Variants in DENND5B observed in about 807,000 individuals in gnomAD.
DENND5B encodes DENN domain containing 5B, also known as DENN domain-containing protein 5B.
In DENND5B, 34 loss-of-function variants were observed where a neutral mutation model predicts 140.6. That is an observed-to-expected ratio of 0.24 (90% CI 0.18 to 0.32). The LOEUF is 0.32. DENND5B is among the 10% of genes least tolerant of loss of function. The probability of loss-of-function intolerance (pLI) is 1.00; values close to 1 mark genes in which losing one functional copy is unlikely to be tolerated. For synonymous variants in DENND5B, 551 were observed against 562.1 expected, an observed-to-expected ratio of 0.98 and a Z score of 0.28; for missense variants, 1,142 against 1,560.2, an observed-to-expected ratio of 0.73 and a Z score of 4.52.
chr12:31,456,121 G>C (rs1944765516), intron 4 of DENND5B, among the ~76,000 whole-genome samples: 1 of 152,116 alleles, frequency 6.6e-6, no homozygotes, highest in Non-Finnish European at 1.5e-5. Context: ...CTTGAGGTCA[G>C]AAGTTCAAGA....
At chr12:31,509,698 A>G (rs1947336532) in intron 1 of DENND5B, among the ~76,000 whole-genome samples, 1 of 152,202 alleles carries the variant, frequency 6.6e-6, no homozygotes, top group African/African-American at 2.4e-5. Context: ...AAGAGGAGGG[A>G]GATAATAAGT....
intron 1 of DENND5B, among the ~76,000 whole-genome samples, chr12:31,507,317 T>C (rs1425710397): frequency 6.6e-6 from 1 of 152,088 alleles, no homozygotes; most frequent in Non-Finnish European, 1.5e-5. Context: ...TTTATTTCTA[T>C]TTTTCATGGA....
chr12:31,469,939 A>G (rs1408637251), intron 3 of DENND5B, among the ~76,000 whole-genome samples: 1 of 151,922 alleles, frequency 6.6e-6, no homozygotes, highest in African/African-American at 2.4e-5. Context: ...CAGAACTGTG[A>G]GCCAAATAAA....
At chr12:31,493,066 C>T (rs1312607354) in intron 2 of DENND5B, among the ~76,000 whole-genome samples, 2 of 152,216 alleles carry the variant, frequency 1.3e-5, no homozygotes, top group South Asian at 2.1e-4. Flanking sequence ...TACTGTGATA[C>T]AAAAATATCA....
At position 31,591,101 on chromosome 12, in the gene DENND5B, C is replaced by T. The variant is rs1950605269; in HGVS notation, c.-269G>A. On this transcript the variant is annotated 5_prime_UTR_variant, in exon 1 of 21. Transcript: ENST00000389082. ...TGTCGGCCTGAGAGGCCCTCGCAGC[C>T]GCAGCTGCGCTCGCGAGCTGAGAGC... 6.4e-6 allele frequency: 1 copy of T among 155,906 alleles called. No individual in the cohort carries two copies. Among genetic ancestry groups the T allele is most frequent in the Non-Finnish European group, 1.4e-5 (1 of 72,966 alleles). 9.7% of individuals were successfully genotyped at this position (155,906 alleles called of 1,614,324 possible).
intron 10 of DENND5B, among the ~76,000 whole-genome samples, chr12:31,424,145 T>G (rs1943139726): frequency 6.6e-6 from 1 of 151,630 alleles, no homozygotes; most frequent in Non-Finnish European, 1.5e-5. Flanking sequence ...CATGCACACA[T>G]CAGAAAAAAA....
At chr12:31,417,137 A>C (rs1208455344) in intron 11 of DENND5B, among the ~76,000 whole-genome samples, 7 of 150,644 alleles carry the variant, frequency 4.6e-5, no homozygotes, top group Non-Finnish European at 8.9e-5. Context: ...CGGGCGGATC[A>C]TGAGGTCAGG....
At chr12:31,388,226 C>CTTTTTTT (rs35891849) in intron 20 of DENND5B, among the ~76,000 whole-genome samples, 6 of 91,480 alleles carry the variant, frequency 6.6e-5, no homozygotes, top group African/African-American at 8.8e-5. Context: ...TAGGGACTTG[C>CTTTTTTT]TTTTTTTTTT....
At chr12:31,499,594 T>C (rs1370692732) in intron 1 of DENND5B, 1 of 1,482,210 alleles carries the variant, frequency 6.7e-7, no homozygotes, top group South Asian at 1.4e-5. Flanking sequence ...TTGTTCTTAA[T>C]TTTATTTTTA....
chr12:31,429,546 T>C (rs1368349827), intron 8 of DENND5B, among the ~76,000 whole-genome samples: 1 of 151,760 alleles, frequency 6.6e-6, no homozygotes, highest in Admixed American at 6.6e-5. Context: ...GTAGCTAGGA[T>C]TACAGGTGCT....
At chr12:31,494,131 C>CT (rs1946643759) in intron 2 of DENND5B, among the ~76,000 whole-genome samples, 1 of 149,496 alleles carries the variant, frequency 6.7e-6, no homozygotes, top group Non-Finnish European at 1.5e-5. Context: ...TTGACTATCT[C>CT]TCTATCTTCT....
At chr12:31,557,631 C>T (rs919351278) in intron 1 of DENND5B, among the ~76,000 whole-genome samples, 4 of 151,390 alleles carry the variant, frequency 2.6e-5, no homozygotes, top group South Asian at 2.1e-4. Context: ...AAAAAGTAAA[C>T]GTACAAATTC....
intron 14 of DENND5B, 45 bp from the exon 15 acceptor site, chr12:31,402,688 T>A (rs772636748): frequency 1.9e-6 from 3 of 1,570,022 alleles, no homozygotes; most frequent in Admixed American, 1.9e-5. Flanking sequence ...GGAATAAAAT[T>A]CTCCTTATAA....
chr12:31,446,130 T>C (rs148254377), intron 6 of DENND5B, among the ~76,000 whole-genome samples: 7 of 152,280 alleles, frequency 4.6e-5, no homozygotes, highest in African/African-American at 1.4e-4. Flanking sequence ...CAAGACTGGC[T>C]AAGACTCAGA....
intron 4 of DENND5B, among the ~76,000 whole-genome samples, chr12:31,459,249 A>G (rs1944911753): frequency 6.6e-6 from 1 of 152,030 alleles, no homozygotes; most frequent in Non-Finnish European, 1.5e-5. Context: ...AGGAGGTGTT[A>G]CTATTCTTAC....
chr12:31,451,626 G>A (rs560378655), intron 5 of DENND5B: 1 of 286,682 alleles, frequency 3.5e-6, no homozygotes, highest in Non-Finnish European at 6.6e-6. Context: ...CCCGGCCTGA[G>A]TTTCTATAAT....
Position 31,479,828 on chromosome 12 carries a change from G to T in DENND5B, c.665C>A (p.Pro222His). The change falls in exon 3 of 21, where the codon CCC becomes CAC. Residue 222 changes from proline (P) to histidine (H), a missense_variant. Coordinates refer to ENST00000389082, the MANE Select transcript of DENND5B (RefSeq NM_144973.4). ...GTGGATATAGCTTTCAAGTGGCAAG[G>T]GTGGTGGCTGCTGTGAGGTAACAGC... ...YKAVTSQQPP[P>H]LPLESYIHNI... 6.2e-7 allele frequency: 1 copy of T among 1,613,908 alleles called. No individual in the cohort carries two copies. Among genetic ancestry groups the T allele is most frequent in the South Asian group, 1.1e-5 (1 of 91,048 alleles).
intron 7 of DENND5B, among the ~76,000 whole-genome samples, chr12:31,438,229 T>C (rs2137918230): frequency 6.6e-6 from 1 of 152,346 alleles, no homozygotes. Flanking sequence ...TGTCTTGGCC[T>C]CCCAAACTGC....
chr12:31,392,397 TGGGGC>T lies in DENND5B; in HGVS notation c.3340-9_3340-5del, dbSNP rs1941193456. ...GCAACACGGTGAGGCTTCCTCTCTGTGGGGCATAACACACAGTGCCAAAGAAAAAT... is the reference window on the plus strand; with the variant it reads ...GCAACACGGTGAGGCTTCCTCTCTGTATAACACACAGTGCCAAAGAAAAAT... On this transcript the variant is annotated splice_polypyrimidine_tract_variant and splice_region_variant and intron_variant, in intron 18 of 20. Coordinates refer to ENST00000389082, the MANE Select transcript of DENND5B (RefSeq NM_144973.4). 1 of 1,613,718 alleles carries T rather than the reference TGGGGC, an allele frequency of 6.2e-7. No individual in the cohort carries two copies. The highest frequency in any genetic ancestry group is 1.3e-5 in the African/African-American group (1 of 74,986).
Sources: gnomAD v4.1 joint callset for allele counts (sites outside exome capture counted in the v4.1 genomes callset) on GRCh38, gnomAD v4.1.1 for gene constraint, MANE v1.5 for transcripts, NCBI Gene and HGNC (gene_info 2026-07-23, HGNC 2026-07-21) for gene names.